Variants in TCF7L2 observed in about 807,000 individuals in gnomAD.
The protein encoded by TCF7L2 is transcription factor 7 like 2, also known as transcription factor 7-like 2.
In TCF7L2, 23 loss-of-function variants were observed where a neutral mutation model predicts 77.9. The observed-to-expected ratio is 0.30, with a 90% CI of 0.21 to 0.42. The LOEUF (loss-of-function observed/expected upper bound fraction) is 0.42. TCF7L2 is among the 10% of genes least tolerant of loss of function. The probability of loss-of-function intolerance (pLI) is 1.00; values close to 1 mark genes in which losing one functional copy is unlikely to be tolerated. For missense variants in TCF7L2, 654 were observed against 793.1 expected (o/e 0.82, Z 2.11); for synonymous variants, 413 against 340.2 (o/e 1.21, Z -2.36).
chr10:113,035,347 A>G (rs1028627476), intron 4 of TCF7L2, among the ~76,000 whole-genome samples: 7 of 152,200 alleles, frequency 4.6e-5, no homozygotes, highest in East Asian at 3.8e-4. Flanking sequence ...GGCCTCTACA[A>G]TTTTATTCCC....
chr10:113,032,553 A>C lies in TCF7L2; in HGVS notation c.451-7472A>C, dbSNP rs1045161771. Among the ~76,000 whole-genome samples, 4 of 152,198 alleles carry C rather than the reference A, an allele frequency of 2.6e-5. No homozygotes were observed. The South Asian group carries it at 6.2e-4, about 24-fold the overall frequency. ...TTGGGGACACTGAGATGTTCCCTTC[A>C]CCATGTACTTTGAGACACACATCCT... On this transcript the variant is annotated intron_variant, in intron 4 of 13. Coordinates refer to ENST00000627217, the MANE Select transcript of TCF7L2 (RefSeq NM_001146274.2).
intron 5 of TCF7L2, chr10:113,129,813 A>C (rs541212237): frequency 7.8e-7 from 1 of 1,288,762 alleles, no homozygotes; most frequent in South Asian, 1.2e-5. Context: ...CCCATCTCGA[A>C]GGTACAGAGA....
chr10:112,975,825 T>C (rs2039319397), intron 4 of TCF7L2, among the ~76,000 whole-genome samples: 1 of 152,218 alleles, frequency 6.6e-6, no homozygotes, highest in Admixed American at 6.5e-5. Context: ...TCTTCCCTCT[T>C]GATGCCACTG....
At chr10:112,952,551 C>T (rs1441807596) in intron 3 of TCF7L2, among the ~76,000 whole-genome samples, 1 of 152,194 alleles carries the variant, frequency 6.6e-6, no homozygotes, top group East Asian at 1.9e-4. Context: ...ATTTTGGCGC[C>T]TTGGGATGTA....
At chr10:113,146,634 T>C (rs141317782) in intron 8 of TCF7L2, among the ~76,000 whole-genome samples, 1 of 149,246 alleles carries the variant, frequency 6.7e-6, no homozygotes, top group Non-Finnish European at 1.5e-5. Context: ...TTTTTTTTTT[T>C]AAAAAAAAGA....
At chr10:113,026,180 AC>A (rs1238023643) in intron 4 of TCF7L2, among the ~76,000 whole-genome samples, 4 of 147,394 alleles carry the variant, frequency 2.7e-5, no homozygotes, top group East Asian at 2.2e-4. Context: ...CGCCTGGCCT[AC>A]CCCCTGTCGC....
chr10:113,112,081 C>A (rs1488875614), intron 5 of TCF7L2, among the ~76,000 whole-genome samples: 2 of 152,244 alleles, frequency 1.3e-5, no homozygotes, highest in African/African-American at 4.8e-5. Flanking sequence ...GACATGCTTT[C>A]CATCTGTGCC....
intron 12 of TCF7L2, 94 bp from the exon 14 acceptor site, chr10:113,159,826 C>CTTTTTTTTTT: frequency 4.6e-6 from 1 of 219,756 alleles, no homozygotes; most frequent in Non-Finnish European, 7.6e-6. Flanking sequence ...TTGTATCTTT[C>CTTTTTTTTTT]TCTTCCCCCC....
chr10:112,987,823 T>C (rs1287745909), intron 4 of TCF7L2: 3 of 182,628 alleles, frequency 1.6e-5, no homozygotes, highest in African/African-American at 7.3e-5. Flanking sequence ...AGAGATGAGA[T>C]GAAAACACAC....
chr10:112,959,672 G>GC (rs1278143178), intron 3 of TCF7L2, among the ~76,000 whole-genome samples: 2 of 152,112 alleles, frequency 1.3e-5, no homozygotes, highest in Non-Finnish European at 2.9e-5. Flanking sequence ...GAAGTCAGAG[G>GC]CCCCCCTTGG....
chr10:113,129,947 T>A, intron 5 of TCF7L2: 8 of 1,293,122 alleles, frequency 6.2e-6, no homozygotes, highest in Non-Finnish European at 8.1e-6. Context: ...GTCTCTCTGT[T>A]CCAGCAGTTG....
At chr10:112,997,366 G>A (rs2043663915) in intron 4 of TCF7L2, among the ~76,000 whole-genome samples, 1 of 152,366 alleles carries the variant, frequency 6.6e-6, no homozygotes, top group South Asian at 2.1e-4. Flanking sequence ...AACATGAAGG[G>A]AGGTTTGGAG....
chr10:112,984,291 C>G (rs762003085), intron 4 of TCF7L2, among the ~76,000 whole-genome samples: 1 of 152,150 alleles, frequency 6.6e-6, no homozygotes. Context: ...CTTTGTGAAT[C>G]AGAAAGCTAT....
chr10:113,153,724 T>C (rs1418555245), intron 11 of TCF7L2, among the ~76,000 whole-genome samples: 1 of 152,208 alleles, frequency 6.6e-6, no homozygotes. Flanking sequence ...GTGCAGTTAC[T>C]GTGCACAAGT....
chr10:113,052,408 G>A (rs1436925748), intron 5 of TCF7L2, among the ~76,000 whole-genome samples: 1 of 152,186 alleles, frequency 6.6e-6, no homozygotes, highest in Non-Finnish European at 1.5e-5. Context: ...TCAAGCTTTT[G>A]GGAAAGTGTC....
chr10:113,018,444 C>CTTTTT (rs35916053), intron 4 of TCF7L2, among the ~76,000 whole-genome samples: 5 of 92,548 alleles, frequency 5.4e-5, no homozygotes, highest in Middle Eastern at 9.1e-3. Flanking sequence ...CTCCTGAGTC[C>CTTTTT]TTTTTTTTTT....
intron 3 of TCF7L2, among the ~76,000 whole-genome samples, chr10:112,955,643 T>G (rs1195475326): frequency 6.6e-6 from 1 of 152,172 alleles, no homozygotes; most frequent in East Asian, 1.9e-4. Flanking sequence ...AAAACAATCC[T>G]CGTTCTTGCT....
intron 11 of TCF7L2, among the ~76,000 whole-genome samples, chr10:113,153,439 C>T (rs989165924): frequency 6.6e-6 from 1 of 152,238 alleles, no homozygotes; most frequent in Non-Finnish European, 1.5e-5. Context: ...CTGTCGATGT[C>T]TTGGAGCCAT....
chr10:113,066,409 C>T (rs1331128217), intron 5 of TCF7L2, among the ~76,000 whole-genome samples: 1 of 151,878 alleles, frequency 6.6e-6, no homozygotes, highest in Non-Finnish European at 1.5e-5. Flanking sequence ...AGCAAATTTT[C>T]AGGGAGAAAA....
Sources: allele counts gnomAD v4.1 joint callset (sites outside exome capture counted in the v4.1 genomes callset), GRCh38; gene constraint gnomAD v4.1.1; transcripts MANE v1.5; gene names NCBI Gene and HGNC (gene_info 2026-07-23, HGNC 2026-07-21).